FOXP1: variants seen among roughly 807,000 people sequenced by gnomAD.
FOXP1 encodes the protein forkhead box P1.
Under a neutral mutation model 98.2 loss-of-function variants are expected in FOXP1, and 15 were observed. The ratio of observed to expected loss-of-function variants is 0.15; its 90% confidence interval spans 0.10 to 0.24. FOXP1 has a LOEUF of 0.24. Ranked by LOEUF, FOXP1 falls within the 10% of genes least tolerant of loss-of-function variation. The pLI is 1.00. For missense variants in FOXP1, 633 were observed against 848.5 expected, an observed-to-expected ratio of 0.75 and a Z score of 3.15; for synonymous variants, 371 against 314.5, an observed-to-expected ratio of 1.18 and a Z score of -1.90.
At chr3:71,537,399 A>G (rs1161193703) in intron 2 of FOXP1, among the ~76,000 whole-genome samples, 3 of 152,186 alleles carry the variant, frequency 2.0e-5, no homozygotes, top group Non-Finnish European at 2.9e-5. Context: ...AGCAGTATGG[A>G]AAAGTGTACT....
At chr3:71,436,375 T>C (rs1377104088) in intron 3 of FOXP1, among the ~76,000 whole-genome samples, 1 of 152,164 alleles carries the variant, frequency 6.6e-6, no homozygotes, top group Non-Finnish European at 1.5e-5. Flanking sequence ...AGTTACTGCA[T>C]GGAACAACTG....
chr3:71,017,692 A>C (rs930853563), intron 11 of FOXP1, among the ~76,000 whole-genome samples: 7 of 152,134 alleles, frequency 4.6e-5, no homozygotes, highest in Admixed American at 2.0e-4. Context: ...TATATGCCAA[A>C]ATTTAACCAT....
intron 3 of FOXP1, among the ~76,000 whole-genome samples, chr3:71,387,435 A>T (rs2080676356): frequency 6.6e-6 from 1 of 152,202 alleles, no homozygotes; most frequent in East Asian, 1.9e-4. Context: ...ATAATTAAGG[A>T]TTTTATAGCT....
intron 4 of FOXP1, among the ~76,000 whole-genome samples, chr3:71,329,515 G>A (rs754685208): frequency 2.7e-4 from 41 of 151,424 alleles, no homozygotes; most frequent in Non-Finnish European, 4.4e-4. Context: ...CACCGCGCCC[G>A]GCCACAAAGT....
At chr3:71,116,831 T>C (rs1455239197) in intron 6 of FOXP1, among the ~76,000 whole-genome samples, 1 of 152,248 alleles carries the variant, frequency 6.6e-6, no homozygotes, top group East Asian at 1.9e-4. Context: ...TATAACACTA[T>C]GTATCTGGGC....
chr3:71,090,857 T>C (rs766495094), intron 7 of FOXP1, among the ~76,000 whole-genome samples: 1 of 152,112 alleles, frequency 6.6e-6, no homozygotes, highest in Non-Finnish European at 1.5e-5. Flanking sequence ...TATGATAACA[T>C]AGGTATGGCC....
intron 4 of FOXP1, chr3:71,332,105 T>C (rs902107714): frequency 1.3e-5 from 2 of 152,284 alleles, no homozygotes; most frequent in Non-Finnish European, 2.9e-5. Flanking sequence ...TTCCATACTG[T>C]GGAAGCTTTG....
chr3:71,011,978 C>A (rs1447017049), intron 12 of FOXP1, among the ~76,000 whole-genome samples: 1 of 152,008 alleles, frequency 6.6e-6, no homozygotes, highest in African/African-American at 2.4e-5. Context: ...ATAAATATAA[C>A]CTAATTGTCA....
At chr3:71,447,275 A>G (rs1276543390) in intron 3 of FOXP1, among the ~76,000 whole-genome samples, 1 of 152,216 alleles carries the variant, frequency 6.6e-6, no homozygotes, top group Non-Finnish European at 1.5e-5. Flanking sequence ...TTTAGCCACT[A>G]TGTTTCCAGG....
At chr3:71,301,748 C>T (rs554597350) in intron 4 of FOXP1, among the ~76,000 whole-genome samples, 31 of 152,212 alleles carry the variant, frequency 2.0e-4, no homozygotes, top group African/African-American at 5.5e-4. Context: ...ATGCCTCCTT[C>T]GAATAAAGTT....
chr3:70,987,983 T>A lies in FOXP1; in HGVS notation c.1146+11A>T. The stretch of plus-strand genomic sequence containing the variant: ...TTTGTTTTTTTCCCCTTGGTGGGGA[T>A]CAATACTTACGGGCTGAGGGGCGGC... On this transcript the variant is annotated intron_variant, in intron 14 of 20. Transcript: ENST00000649528. 6.2e-7 allele frequency: 1 copy of A among 1,610,010 alleles called. No individual in the cohort carries two copies. The highest frequency in any genetic ancestry group is 1.1e-5 in the South Asian group (1 of 91,060).
At chr3:71,504,135 C>T (rs2041629938) in intron 2 of FOXP1, among the ~76,000 whole-genome samples, 1 of 152,026 alleles carries the variant, frequency 6.6e-6, no homozygotes, top group South Asian at 2.1e-4. Flanking sequence ...ATTTGAATCC[C>T]ATCTTTTTGA....
chr3:71,188,692 C>T (rs1309194861), intron 6 of FOXP1, among the ~76,000 whole-genome samples: 2 of 152,184 alleles, frequency 1.3e-5, no homozygotes, highest in African/African-American at 2.4e-5. Context: ...GGATTACAGG[C>T]GTGAGCCACC....
At chr3:71,426,913 T>C (rs2084206476) in intron 3 of FOXP1, among the ~76,000 whole-genome samples, 1 of 151,776 alleles carries the variant, frequency 6.6e-6, no homozygotes, top group Non-Finnish European at 1.5e-5. Flanking sequence ...ATACAAAAAT[T>C]AGCCGGGCAT....
chr3:71,266,278 C>T (rs2107239986), intron 5 of FOXP1, among the ~76,000 whole-genome samples: 1 of 152,194 alleles, frequency 6.6e-6, no homozygotes, highest in Non-Finnish European at 1.5e-5. Context: ...CAGAGTCTCA[C>T]TCTGTTGCCC....
chr3:71,564,759 A>C (rs1020728828), intron 2 of FOXP1, among the ~76,000 whole-genome samples: 1 of 152,238 alleles, frequency 6.6e-6, no homozygotes, highest in Non-Finnish European at 1.5e-5. Flanking sequence ...CGGGCAGACA[A>C]TCATTTTGGG....
chr3:71,221,070 G>C (rs2065342673), intron 5 of FOXP1, among the ~76,000 whole-genome samples: 1 of 152,134 alleles, frequency 6.6e-6, no homozygotes, highest in African/African-American at 2.4e-5. Context: ...GCTCCCCAAG[G>C]GTCTGGGGCC....
intron 2 of FOXP1, among the ~76,000 whole-genome samples, chr3:71,502,521 C>T (rs1039612077): frequency 6.6e-6 from 1 of 152,160 alleles, no homozygotes; most frequent in Non-Finnish European, 1.5e-5. Context: ...TTTTCACAGC[C>T]TGTGGTAAAC....
At chr3:71,064,018 C>G (rs1370329456) in intron 7 of FOXP1, among the ~76,000 whole-genome samples, 1 of 152,132 alleles carries the variant, frequency 6.6e-6, no homozygotes, top group African/African-American at 2.4e-5. Context: ...CATTCAGAGC[C>G]GGTTCAGCTG....
Sources: allele counts gnomAD v4.1 joint callset (sites outside exome capture counted in the v4.1 genomes callset), GRCh38; gene constraint gnomAD v4.1.1; transcripts MANE v1.5; gene names NCBI Gene and HGNC (gene_info 2026-07-23, HGNC 2026-07-21).